Variants in KANK1 observed in about 807,000 individuals in gnomAD.
The protein encoded by KANK1 is KN motif and ankyrin repeat domains 1.
In KANK1, 109 loss-of-function variants were observed where a neutral mutation model predicts 106.2. The ratio of observed to expected loss-of-function variants is 1.03; its 90% CI spans 0.88 to 1.20. The LOEUF (loss-of-function observed/expected upper bound fraction) is 1.20, where lower values mean the gene tolerates loss of function less well. KANK1 is among the 50% of genes most tolerant of loss of function. The pLI, the probability that KANK1 is intolerant of heterozygous loss-of-function variation, is 0.00. For synonymous variants in KANK1, 873 were observed against 652.2 expected (o/e 1.34, Z -5.16); for missense variants, 2,399 against 1,710.7 (o/e 1.40, Z -7.10).
chr9:635,106 C>T (rs1203561792), intron 1 of KANK1, among the ~76,000 whole-genome samples: 3 of 152,130 alleles, frequency 2.0e-5, no homozygotes, highest in Non-Finnish European at 2.9e-5. Flanking sequence ...TTATGGTAAC[C>T]AGCATGGGGG....
At chr9:653,956 C>T (rs72691349) in intron 1 of KANK1, among the ~76,000 whole-genome samples, 26,673 of 152,058 alleles carry the variant, frequency 0.18, 2,633 homozygotes, top group East Asian at 0.32. Context: ...GAGTGTGCCA[C>T]CCTGTTCCTT....
At chr9:492,985 T>C (rs1470077642) in intron 3 of KANK1, among the ~76,000 whole-genome samples, 1 of 149,664 alleles carries the variant, frequency 6.7e-6, no homozygotes, top group Non-Finnish European at 1.5e-5. Flanking sequence ...GATCGTGCCA[T>C]TGCACTCCAG....
Position 732,619 on chromosome 9 carries a change from TGTG to T in KANK1, c.3245+5_3245+7del, listed in dbSNP as rs1170861121. ...TGAGAAGGTGGAAATCAGAGAGAGG[TGTG>T]GTACATTCCCCTTCCCTCCCTTGCC... is the stretch of plus-strand genomic sequence containing the variant. On this transcript the variant is annotated splice_donor_5th_base_variant and intron_variant, in intron 6 of 11. Coordinates refer to ENST00000382297, the MANE Select transcript of KANK1 (RefSeq NM_015158.5). The T allele has an allele frequency of 6.2e-7, 1 of 1,613,008 alleles. No homozygotes were observed. Among genetic ancestry groups the T allele is most frequent in the Non-Finnish European group, 8.5e-7 (1 of 1,179,192 alleles).
chr9:513,202 C>T (rs1180363993), intron 1 of KANK1, among the ~76,000 whole-genome samples: 2 of 151,844 alleles, frequency 1.3e-5, no homozygotes, highest in Non-Finnish European at 2.9e-5. Context: ...TACCTGTTTG[C>T]CTTTTTCTTC....
intron 1 of KANK1, among the ~76,000 whole-genome samples, chr9:639,049 A>G (rs1008547380): frequency 2.6e-5 from 4 of 152,148 alleles, no homozygotes; most frequent in Non-Finnish European, 4.4e-5. Context: ...CCTCAGTGTA[A>G]GTCTTACCTT....
chr9:471,984 C>T (rs777096781), intron 2 of KANK1, among the ~76,000 whole-genome samples: 1 of 152,106 alleles, frequency 6.6e-6, no homozygotes, highest in Non-Finnish European at 1.5e-5. Context: ...GCCCCCAACC[C>T]CAACTTCAAT....
At chr9:607,005 C>G (rs4384034) in intron 1 of KANK1, among the ~76,000 whole-genome samples, 39,617 of 151,408 alleles carry the variant, frequency 0.26, 5,615 homozygotes, top group Admixed American at 0.34. Flanking sequence ...TTTATGCCCA[C>G]GGAAAACTGT....
At chr9:485,104 C>G (rs1463449558) in intron 3 of KANK1, among the ~76,000 whole-genome samples, 1 of 152,176 alleles carries the variant, frequency 6.6e-6, no homozygotes, top group Non-Finnish European at 1.5e-5. Flanking sequence ...AACTGGGGAA[C>G]CACCCTCCAC....
At position 576,553 on chromosome 9, in the gene KANK1, G is replaced by A. The variant is rs529609156; in HGVS notation, c.-84+71799G>A. Among the ~76,000 whole-genome samples the A allele has an allele frequency of 6.6e-5, 10 of 152,276 alleles. No homozygotes were observed. In the East Asian group the frequency reaches 1.9e-3, roughly 29 times the overall value. On this transcript the variant is annotated intron_variant, in intron 1 of 11. Coordinates refer to ENST00000382297, the MANE Select transcript of KANK1 (RefSeq NM_015158.5). ...TCATCATTTTCTAGTTGTAATCTCA[G>A]TCTTGAGAGCAGGCTCAGACGTTTG... is the stretch of plus-strand genomic sequence containing the variant.
intron 1 of KANK1, among the ~76,000 whole-genome samples, chr9:576,770 T>TG (rs398113131): frequency 3.3e-5 from 5 of 152,028 alleles, no homozygotes; most frequent in Admixed American, 6.5e-5. Context: ...GTTTTTTTTT[T>TG]GCAAACCATG....
intron 3 of KANK1, among the ~76,000 whole-genome samples, chr9:473,677 T>C (rs1461158509): frequency 6.6e-6 from 1 of 152,164 alleles, no homozygotes; most frequent in Non-Finnish European, 1.5e-5. Context: ...GTTCAGGAAC[T>C]ATCTTGCACC....
intron 1 of KANK1, among the ~76,000 whole-genome samples, chr9:654,437 G>A (rs1841626129): frequency 6.6e-6 from 1 of 152,186 alleles, no homozygotes. Context: ...TATATTACCA[G>A]ATCTGGAGGA....
chr9:705,988 G>C (rs1564021145), intron 2 of KANK1, among the ~76,000 whole-genome samples: 1 of 152,042 alleles, frequency 6.6e-6, no homozygotes, highest in Non-Finnish European at 1.5e-5. Flanking sequence ...TCTTGTTAAA[G>C]TTGGGAAATA....
At chr9:570,761 A>T (rs1234912627) in intron 1 of KANK1, among the ~76,000 whole-genome samples, 1 of 152,184 alleles carries the variant, frequency 6.6e-6, no homozygotes, top group African/African-American at 2.4e-5. Flanking sequence ...TGCCTAAATT[A>T]TGTTGCTTTT....
At chr9:734,455 C>T in intron 6 of KANK1, 1 of 276,560 alleles carries the variant, frequency 3.6e-6, no homozygotes, top group Non-Finnish European at 7.2e-6. Flanking sequence ...CACCTGAGGT[C>T]AGGAGTTCAA....
chr9:695,365 TG>T (rs1487368269), intron 2 of KANK1, among the ~76,000 whole-genome samples: 1 of 152,110 alleles, frequency 6.6e-6, no homozygotes, highest in Non-Finnish European at 1.5e-5. Context: ...CTTTAAAAGT[TG>T]GGGGGTGTTT....
chr9:502,884 G>C (rs549459096), upstream of KANK1, among the ~76,000 whole-genome samples: 1 of 152,184 alleles, frequency 6.6e-6, no homozygotes, highest in East Asian at 1.9e-4. Flanking sequence ...GCCTGGACTA[G>C]AATGCAGTGG....
intron 2 of KANK1, among the ~76,000 whole-genome samples, chr9:685,340 A>G (rs1818342864): frequency 6.6e-6 from 1 of 152,190 alleles, no homozygotes; most frequent in Non-Finnish European, 1.5e-5. Flanking sequence ...CAGATTTCTT[A>G]CCCTAGTTAA....
At chr9:592,569 G>A (rs1825233105) in intron 1 of KANK1, among the ~76,000 whole-genome samples, 1 of 151,768 alleles carries the variant, frequency 6.6e-6, no homozygotes, top group Admixed American at 6.6e-5. Context: ...GTCAGACCTG[G>A]CAAGTATTTA....
Sources: allele counts gnomAD v4.1 joint callset (sites outside exome capture counted in the v4.1 genomes callset), GRCh38; gene constraint gnomAD v4.1.1; transcripts MANE v1.5; gene names NCBI Gene and HGNC (gene_info 2026-07-23, HGNC 2026-07-21).